Variants in RSL24D1 observed in about 807,000 individuals in gnomAD.
The protein encoded by RSL24D1 is probable ribosome biogenesis protein RLP24.
RSL24D1 carries 6 observed loss-of-function variants against 26.2 expected under a neutral mutation model. The ratio of observed to expected loss-of-function variants is 0.23; its 90% CI spans 0.13 to 0.45. The LOEUF (loss-of-function observed/expected upper bound fraction) is 0.45, where lower values mean the gene tolerates loss of function less well. Ranked by LOEUF, RSL24D1 falls within the 20% of genes least tolerant of loss-of-function variation. The probability of loss-of-function intolerance (pLI) is 0.99; values close to 1 mark genes in which losing one functional copy is unlikely to be tolerated. For synonymous variants in RSL24D1, 61 were observed against 59.1 expected (o/e 1.03, Z -0.15); for missense variants, 176 against 202.6 (o/e 0.87, Z 0.80).
intron 3 of RSL24D1, among the ~76,000 whole-genome samples, chr15:55,186,490 G>A (rs1894225563): frequency 6.6e-6 from 1 of 152,052 alleles, no homozygotes; most frequent in Non-Finnish European, 1.5e-5. Context: ...TCAAATCTCT[G>A]GTGCTCTTGC....
At chr15:55,192,572 T>G in intron 2 of RSL24D1, 148 bp downstream of exon 2, 15 of 522,012 alleles carry the variant, frequency 2.9e-5, no homozygotes, top group Non-Finnish European at 5.2e-5. Flanking sequence ...CATGTGAGAA[T>G]GAGATTATTT....
intron 3 of RSL24D1, among the ~76,000 whole-genome samples, chr15:55,188,565 G>GT (rs1894248891): frequency 6.6e-6 from 1 of 152,170 alleles, no homozygotes; most frequent in Non-Finnish European, 1.5e-5. Context: ...GTTCATCTTT[G>GT]TATGCCACAG....
chr15:55,190,580 G>C (rs1451792066), intron 3 of RSL24D1, among the ~76,000 whole-genome samples: 2 of 152,208 alleles, frequency 1.3e-5, no homozygotes, highest in South Asian at 2.1e-4. Context: ...AAGGTATACA[G>C]AATACAAGTT....
intron 3 of RSL24D1, among the ~76,000 whole-genome samples, chr15:55,189,209 A>AAAAAG (rs1894265604): frequency 6.6e-6 from 1 of 151,274 alleles, no homozygotes; most frequent in South Asian, 2.1e-4. Flanking sequence ...AAAAAAAAAA[A>AAAAAG]AAAAGAAATG....
chr15:55,183,495 G>C, intron 4 of RSL24D1, 95 bp from the exon 5 acceptor site: 2 of 833,730 alleles, frequency 2.4e-6, no homozygotes, highest in Non-Finnish European at 3.9e-6. Context: ...TGTTACTTAA[G>C]TTAGCCCCAC....
At chr15:55,189,671 C>T (rs1191599446) in intron 3 of RSL24D1, among the ~76,000 whole-genome samples, 2 of 152,100 alleles carry the variant, frequency 1.3e-5, no homozygotes, top group African/African-American at 2.4e-5. Flanking sequence ...TGCCCCAAGA[C>T]AATTCTTCTT....
intron 4 of RSL24D1, among the ~76,000 whole-genome samples, chr15:55,183,685 T>C (rs1894194254): frequency 6.6e-6 from 1 of 152,174 alleles, no homozygotes; most frequent in South Asian, 2.1e-4. Context: ...CTTACATTTA[T>C]TCCCAAATCT....
intron 3 of RSL24D1, among the ~76,000 whole-genome samples, chr15:55,189,961 G>A (rs993206969): frequency 2.6e-5 from 4 of 152,142 alleles, no homozygotes; most frequent in Admixed American, 2.6e-4. Flanking sequence ...AGAAGGCCGG[G>A]CCGGTGCCAG....
chr15:55,184,091 G>C (rs1201010992), intron 4 of RSL24D1, among the ~76,000 whole-genome samples: 1 of 152,190 alleles, frequency 6.6e-6, no homozygotes, highest in African/African-American at 2.4e-5. Context: ...TTTGTGAAAT[G>C]CTTTAAAATT....
intron 1 of RSL24D1, 171 bp downstream of exon 1, chr15:55,196,638 AC>A (rs1894361541): frequency 3.2e-6 from 2 of 630,220 alleles, no homozygotes; most frequent in Admixed American, 5.7e-5. Flanking sequence ...GCAAGGAGAA[AC>A]CCCCGAAGCG....
At chr15:55,191,242 T>C (rs886573524) in intron 2 of RSL24D1, among the ~76,000 whole-genome samples, 195 bp from the exon 3 acceptor site, 2 of 152,166 alleles carry the variant, frequency 1.3e-5, no homozygotes, top group Non-Finnish European at 2.9e-5. Flanking sequence ...CATCTCTCCA[T>C]ATACTAGTGA....
At chr15:55,185,284 T>A in intron 4 of RSL24D1, 78 bp downstream of exon 4, 1 of 1,155,886 alleles carries the variant, frequency 8.7e-7, no homozygotes, top group Non-Finnish European at 1.2e-6. Flanking sequence ...AATAAAAAAT[T>A]TTTTTAAAAA....
Position 55,196,666 on chromosome 15 carries a change from G to T in RSL24D1, c.81+144C>A, listed in dbSNP as rs567058126. ...CCCGAAGCGGAACGTTGAGAACGGAGGCCCAGTTAAGCCACCCTCCCAGGG... is the reference window on the plus strand; with the variant it reads ...CCCGAAGCGGAACGTTGAGAACGGATGCCCAGTTAAGCCACCCTCCCAGGG... On this transcript the variant is annotated intron_variant, in intron 1 of 5. Coordinates refer to ENST00000260443, the MANE Select transcript of RSL24D1 (RefSeq NM_016304.3). 5.9e-5 allele frequency: 41 copies of T among 700,590 alleles called. No homozygotes were observed. The East Asian group carries it at 1.1e-3, about 19-fold the overall frequency. 43.4% of individuals were successfully genotyped at this position (700,590 alleles called of 1,614,324 possible).
At chr15:55,185,721 A>C (rs573650790) in intron 3 of RSL24D1, among the ~76,000 whole-genome samples, 1 of 152,204 alleles carries the variant, frequency 6.6e-6, no homozygotes, top group Non-Finnish European at 1.5e-5. Flanking sequence ...AAATTTTACT[A>C]TAAAGAGAAC....
In RSL24D1 at chr15:55,196,854, T is replaced by G; in HGVS notation, c.37A>C (p.Ile13Leu). 3.1e-6 allele frequency: 5 copies of G among 1,614,176 alleles called. No homozygotes were observed. The highest frequency in any genetic ancestry group is 1.1e-5 in the South Asian group (1 of 91,082). Residue 13 changes from isoleucine (I) to leucine (L), a missense_variant, in exon 1 of 6, where the codon ATC (isoleucine) becomes CTC (leucine). Physicochemically the swap from Ile to Leu is conservative, Grantham distance 5 (BLOSUM62 2). Coordinates refer to ENST00000260443, the MANE Select transcript of RSL24D1 (RefSeq NM_016304.3). ...AACATCATGCCGTGTCCAGGATAGA[T>G]GGGCCCCGAACAGAAATAACACTTT... The part of the protein sequence containing the change: ...IEKCYFCSGP[I>L]YPGHGMMFVR...
intron 2 of RSL24D1, among the ~76,000 whole-genome samples, chr15:55,191,481 AAAG>A (rs1383039906): frequency 6.6e-6 from 1 of 152,158 alleles, no homozygotes; most frequent in Non-Finnish European, 1.5e-5. Context: ...AGAAAAAAAA[AAAG>A]AGAGAGAAAA....
chr15:55,182,781 T>C lies in RSL24D1; in HGVS notation c.418+534A>G, dbSNP rs1177451733. Reference sequence around the variant, plus strand: ...GTACTCAATATGTGATTACAGAATTTGACCTTTACTAAGATTTCTTTCCCT... The same window carrying C: ...GTACTCAATATGTGATTACAGAATTCGACCTTTACTAAGATTTCTTTCCCT... On this transcript the variant is annotated intron_variant, in intron 5 of 5. Transcript: ENST00000260443. Among the ~76,000 whole-genome samples, 5 of 152,344 alleles carry C rather than the reference T, an allele frequency of 3.3e-5. No individual in the cohort carries two copies. In the South Asian group the frequency reaches 1.0e-3, roughly 32 times the overall value.
In RSL24D1 at chr15:55,181,938, G is replaced by A. The variant is rs938336121; in HGVS notation, c.*214C>T. On this transcript the variant is annotated 3_prime_UTR_variant, in exon 6 of 6. Transcript: ENST00000260443. ...CTATAGTTACAAGTAGAATTTTCAT[G>A]ATTTACTTAAGTACATCTATCAGTA... 3 of 458,542 alleles carry A rather than the reference G, an allele frequency of 6.5e-6. No individual in the cohort carries two copies. The highest frequency in any genetic ancestry group is 1.2e-5 in the Non-Finnish European group (3 of 257,172). The allele number at this position is 458,542 out of a possible 1,614,324, so 28.4% of individuals were successfully genotyped here.
chr15:55,183,853 G>A (rs1286304789), intron 4 of RSL24D1, among the ~76,000 whole-genome samples: 1 of 152,066 alleles, frequency 6.6e-6, no homozygotes, highest in Non-Finnish European at 1.5e-5. Context: ...AGACTGGCAC[G>A]AAATGGGAGC....
Sources: allele counts gnomAD v4.1 joint callset (sites outside exome capture counted in the v4.1 genomes callset), GRCh38; gene constraint gnomAD v4.1.1; transcripts MANE v1.5; gene names NCBI Gene and HGNC (gene_info 2026-07-23, HGNC 2026-07-21).